NCKAP1L: variants seen among roughly 807,000 people sequenced by gnomAD.
NCKAP1L encodes the protein NCK associated protein 1 like, also known as nck-associated protein 1-like.
A neutral mutation model predicts 139.2 loss-of-function variants in NCKAP1L; 53 were observed. That is an observed-to-expected ratio of 0.38 (90% CI 0.31 to 0.48). The LOEUF (loss-of-function observed/expected upper bound fraction) is 0.48. Ranked by LOEUF, NCKAP1L falls within the 20% of genes least tolerant of loss-of-function variation. The probability of loss-of-function intolerance (pLI) is 0.98; values close to 1 mark genes in which losing one functional copy is unlikely to be tolerated. For missense variants in NCKAP1L, 1,151 were observed against 1,381.9 expected (o/e 0.83, Z 2.65); for synonymous variants, 468 against 499.7 (o/e 0.94, Z 0.85).
At chr12:54,534,656 A>G (rs1957099874) in intron 26 of NCKAP1L, among the ~76,000 whole-genome samples, 1 of 152,198 alleles carries the variant, frequency 6.6e-6, no homozygotes, top group African/African-American at 2.4e-5. Context: ...AGTATGAGAG[A>G]GGAAGTTGTA....
intron 13 of NCKAP1L, 96 bp downstream of exon 13, chr12:54,518,034 G>A (rs2120920359): frequency 3.4e-6 from 5 of 1,484,644 alleles, no homozygotes; most frequent in South Asian, 1.2e-5. Flanking sequence ...TGCTCTGTAA[G>A]TTGGGTGTCA....
intron 3 of NCKAP1L, among the ~76,000 whole-genome samples, chr12:54,501,511 T>TG (rs1956797914): frequency 1.4e-4 from 1 of 7,150 alleles, no homozygotes; most frequent in African/African-American, 4.2e-3. Context: ...TATTATTAAC[T>TG]TTTTTTTTTT....
intron 30 of NCKAP1L, among the ~76,000 whole-genome samples, chr12:54,541,279 G>A (rs933367893): frequency 6.6e-6 from 1 of 152,186 alleles, no homozygotes; most frequent in African/African-American, 2.4e-5. Context: ...TGGCAGATTT[G>A]GGACTAGAAC....
intron 17 of NCKAP1L, 23 bp downstream of exon 17, chr12:54,520,849 C>A (rs758287129): frequency 6.2e-7 from 1 of 1,613,650 alleles, no homozygotes; most frequent in Non-Finnish European, 8.5e-7. Context: ...ATCTCCAGAC[C>A]CTGTCATCTT....
At position 54,546,553 on chromosome 12, in the gene NCKAP1L, G is replaced by A. The variant is rs896631106; in HGVS notation, c.*3868G>A. The A allele has an allele frequency of 2.0e-5, 3 of 152,102 alleles. No homozygotes were observed. Among genetic ancestry groups the A allele is most frequent in the Admixed American group, 2.0e-4 (3 of 15,266 alleles). The allele number at this position is 152,102 out of a possible 1,614,324, so 9.4% of individuals were successfully genotyped here. ...ACCTTAGGTCCTCATGCTTATATTA[G>A]TTCTTCTCCAACAAAGTTTGACTTT... On this transcript the variant is annotated 3_prime_UTR_variant, in exon 31 of 31. Transcript: ENST00000293373.
intron 3 of NCKAP1L, among the ~76,000 whole-genome samples, chr12:54,505,822 C>T (rs1207305592): frequency 6.6e-6 from 1 of 152,120 alleles, no homozygotes; most frequent in Non-Finnish European, 1.5e-5. Flanking sequence ...GCCACCACAC[C>T]TGGCTAATTT....
chr12:54,523,083 T>C (rs540293514), intron 18 of NCKAP1L, among the ~76,000 whole-genome samples: 5 of 152,340 alleles, frequency 3.3e-5, no homozygotes, highest in African/African-American at 1.2e-4. Context: ...GATCTTGTTC[T>C]TTATACTTGA....
chr12:54,528,089 G>A (rs960159793), intron 21 of NCKAP1L, among the ~76,000 whole-genome samples, 158 bp from the exon 22 acceptor site: 1 of 152,112 alleles, frequency 6.6e-6, no homozygotes, highest in Non-Finnish European at 1.5e-5. Flanking sequence ...ATCAGCTTGG[G>A]GTGTTAATTA....
In NCKAP1L at chr12:54,506,796, A is replaced by AAATATATATAT; in HGVS notation, c.307-1056_307-1055insATATATATATA. On this transcript the variant is annotated intron_variant, in intron 3 of 30. Coordinates refer to ENST00000293373, the MANE Select transcript of NCKAP1L (RefSeq NM_005337.5). ...TTTTGGCAACATATTAAAAAAAAAA[A>AAATATATATAT]ATATATATATATATATATATATATA... Among the ~76,000 whole-genome samples the AAATATATATAT allele has an allele frequency of 9.0e-3, 457 of 50,560 alleles. 9 individuals carry two copies. The highest frequency in any genetic ancestry group is 0.022 in the East Asian group (20 of 924). 33.2% of individuals were successfully genotyped at this position (50,560 alleles called of 152,430 possible).
chr12:54,529,546 T>C (rs976511473), intron 22 of NCKAP1L, among the ~76,000 whole-genome samples: 8 of 152,292 alleles, frequency 5.3e-5, no homozygotes, highest in African/African-American at 1.9e-4. Flanking sequence ...AAAGCCAAAG[T>C]ACACAGTTCT....
intron 21 of NCKAP1L, 150 bp downstream of exon 21, chr12:54,526,896 C>T: frequency 1.5e-6 from 1 of 662,486 alleles, no homozygotes; most frequent in Non-Finnish European, 2.6e-6. Context: ...GGAGCAATAA[C>T]CTGAGACAAG....
intron 16 of NCKAP1L, among the ~76,000 whole-genome samples, chr12:54,520,166 G>A (rs1466423639): frequency 6.6e-6 from 1 of 152,178 alleles, no homozygotes; most frequent in Non-Finnish European, 1.5e-5. Context: ...TAGTTGGGGA[G>A]ATATAATACC....
intron 20 of NCKAP1L, 127 bp downstream of exon 20, chr12:54,524,083 G>T (rs1957008298): frequency 3.0e-6 from 3 of 993,354 alleles, no homozygotes; most frequent in African/African-American, 1.6e-5. Flanking sequence ...ATGCCACACG[G>T]TGGAGATTCT....
chr12:54,500,380 TC>T (rs1417489489), intron 2 of NCKAP1L, among the ~76,000 whole-genome samples, 152 bp from the exon 3 acceptor site: 1 of 152,216 alleles, frequency 6.6e-6, no homozygotes, highest in Non-Finnish European at 1.5e-5. Context: ...TGCCTCGGCC[TC>T]CCAAAGTGCT....
At chr12:54,535,340 C>T in intron 27 of NCKAP1L, 143 bp downstream of exon 27, 1 of 597,176 alleles carries the variant, frequency 1.7e-6, no homozygotes, top group South Asian at 2.4e-5. Context: ...AGGACCCTAA[C>T]CTTCAGAAAA....
intron 21 of NCKAP1L, among the ~76,000 whole-genome samples, chr12:54,527,995 T>G (rs1002240192): frequency 6.6e-6 from 1 of 152,138 alleles, no homozygotes; most frequent in South Asian, 2.1e-4. Flanking sequence ...GGGGAGTGCA[T>G]GCTATTGCAT....
At position 54,542,699 on chromosome 12, in the gene NCKAP1L, C is replaced by T. The variant is rs752083699; in HGVS notation, c.*14C>T. On this transcript the variant is annotated 3_prime_UTR_variant, in exon 31 of 31. Transcript: ENST00000293373. Reference sequence around the variant, plus strand: ...CACCTAAACTGAATGCCTGCCAGTACCCACTGAAGAGCCCTTTGGACCTTC... The same window carrying T: ...CACCTAAACTGAATGCCTGCCAGTATCCACTGAAGAGCCCTTTGGACCTTC... The T allele has an allele frequency of 3.8e-6, 6 of 1,586,472 alleles. No individual in the cohort carries two copies. Among genetic ancestry groups the T allele is most frequent in the Non-Finnish European group, 5.2e-6 (6 of 1,154,952 alleles).
At chr12:54,531,407 G>T (rs1957069395) in intron 23 of NCKAP1L, 50 bp downstream of exon 23, 1 of 1,607,676 alleles carries the variant, frequency 6.2e-7, no homozygotes, top group African/African-American at 1.3e-5. Flanking sequence ...TGAGGAAAGA[G>T]GGTGGGTATA....
In NCKAP1L at chr12:54,546,967, G is replaced by A. The variant is rs918717408; in HGVS notation, c.*4282G>A. On this transcript the variant is annotated 3_prime_UTR_variant, in exon 31 of 31. Coordinates refer to ENST00000293373, the MANE Select transcript of NCKAP1L (RefSeq NM_005337.5). ...CACCTACTGCCAAAGCATCATTTTTGGTTTCTATCAAACTCAAAGCTTGTT... is the reference window on the plus strand; with the variant it reads ...CACCTACTGCCAAAGCATCATTTTTAGTTTCTATCAAACTCAAAGCTTGTT... 2.0e-5 allele frequency: 3 copies of A among 152,124 alleles called. No individual in the cohort carries two copies. Among genetic ancestry groups the A allele is most frequent in the African/African-American group, 7.2e-5 (3 of 41,414 alleles). 9.4% of individuals were successfully genotyped at this position (152,124 alleles called of 1,614,324 possible).
Sources: gnomAD v4.1 joint callset for allele counts (sites outside exome capture counted in the v4.1 genomes callset) on GRCh38, gnomAD v4.1.1 for gene constraint, MANE v1.5 for transcripts, NCBI Gene and HGNC (gene_info 2026-07-23, HGNC 2026-07-21) for gene names.